The following KIF16B variants were observed in gnomAD, a reference collection of about 807,000 sequenced individuals.
KIF16B encodes the protein kinesin-like protein KIF16B.
Under a neutral mutation model 156.3 loss-of-function variants are expected in KIF16B, and 98 were observed. That is an observed-to-expected ratio of 0.63 (90% confidence interval 0.53 to 0.74). KIF16B has a LOEUF of 0.74. KIF16B is among the 30% of genes least tolerant of loss of function. KIF16B has a pLI of 0.00. For synonymous variants in KIF16B, 564 were observed against 583.7 expected, an observed-to-expected ratio of 0.97 and a Z score of 0.49; for missense variants, 1,421 against 1,606.5, an observed-to-expected ratio of 0.88 and a Z score of 1.97.
chr20:16,520,249 C>G (rs1262210454), intron 3 of KIF16B, among the ~76,000 whole-genome samples: 2 of 152,110 alleles, frequency 1.3e-5, no homozygotes, highest in Admixed American at 6.5e-5. Flanking sequence ...ATCCCACCCC[C>G]ACAGAGCACA....
chr20:16,525,938 A>G (rs889302570), intron 3 of KIF16B, among the ~76,000 whole-genome samples, 154 bp downstream of exon 3: 11 of 152,250 alleles, frequency 7.2e-5, no homozygotes, highest in Admixed American at 6.5e-4. Flanking sequence ...ATACTCCTAC[A>G]TAACACTCAG....
chr20:16,526,238 T>G, intron 2 of KIF16B, 33 bp from the exon 3 acceptor site: 2 of 1,267,878 alleles, frequency 1.6e-6, no homozygotes, highest in Non-Finnish European at 2.2e-6. Flanking sequence ...ATAATGATAA[T>G]GTAAAGAGCA....
chr20:16,442,973 T>C (rs117830263), intron 12 of KIF16B, among the ~76,000 whole-genome samples: 3,649 of 152,160 alleles, frequency 0.024, 49 homozygotes, highest in Middle Eastern at 0.051. Flanking sequence ...CCCTAATGAG[T>C]AGGCTCCTTG....
rs966192120 is a variant in KIF16B at position 16,511,510 on chromosome 20, T to A, written c.464A>T (p.Asn155Ile). 1 of 1,608,334 alleles carries A rather than the reference T, an allele frequency of 6.2e-7. No homozygotes were observed. ...CCGAAGTAGATCTCTCACACGTTCG[T>A]TATAAATTTCTAAGTAGCTAAAAAT... ...RTEVSYLEIYNERVRDLLRRK... is the reference protein window; with the variant it reads ...RTEVSYLEIYIERVRDLLRRK... Residue 155 changes from asparagine to isoleucine, a missense_variant, in exon 6 of 26, where the codon AAC (asparagine) becomes ATC (isoleucine). Asn to Ile is a moderately radical substitution (Grantham distance 149). Transcript: ENST00000354981.
intron 24 of KIF16B, among the ~76,000 whole-genome samples, chr20:16,327,752 T>G (rs2063880694): frequency 6.6e-6 from 1 of 152,148 alleles, no homozygotes; most frequent in South Asian, 2.1e-4. Flanking sequence ...GTGAACTACC[T>G]GGGCCTCTGA....
chr20:16,523,135 G>C (rs1045681004), intron 3 of KIF16B, among the ~76,000 whole-genome samples: 11 of 152,180 alleles, frequency 7.2e-5, no homozygotes, highest in African/African-American at 2.7e-4. Flanking sequence ...AGACAAGGAT[G>C]CCCTCTCTCA....
chr20:16,557,893 G>A (rs1398709537), intron 1 of KIF16B, among the ~76,000 whole-genome samples: 4 of 152,266 alleles, frequency 2.6e-5, no homozygotes, highest in Admixed American at 6.5e-5. Flanking sequence ...CAAGCACAAG[G>A]AGCATAATCC....
At chr20:16,278,319 A>G (rs1044676125) in intron 25 of KIF16B, among the ~76,000 whole-genome samples, 2 of 152,212 alleles carry the variant, frequency 1.3e-5, no homozygotes, top group Non-Finnish European at 2.9e-5. Flanking sequence ...ACGGGTACCC[A>G]TGATTTATTT....
chr20:16,366,998 T>C (rs963677540), intron 22 of KIF16B: 145 of 1,317,662 alleles, frequency 1.1e-4, no homozygotes, highest in Non-Finnish European at 1.3e-4. Flanking sequence ...TTTAAAATAT[T>C]TACATTTTCA....
At chr20:16,483,414 G>C (rs2068032969) in intron 12 of KIF16B, among the ~76,000 whole-genome samples, 2 of 152,150 alleles carry the variant, frequency 1.3e-5, no homozygotes. Context: ...GCTTGTATCT[G>C]TATAAAACTA....
At chr20:16,434,908 G>T (rs1011480680) in intron 12 of KIF16B, among the ~76,000 whole-genome samples, 4 of 152,136 alleles carry the variant, frequency 2.6e-5, no homozygotes, top group Non-Finnish European at 5.9e-5. Context: ...GGGGCTGGGG[G>T]TTGGGGACAA....
At chr20:16,538,922 A>T (rs1027265290) in intron 1 of KIF16B, among the ~76,000 whole-genome samples, 2 of 151,412 alleles carry the variant, frequency 1.3e-5, no homozygotes, top group African/African-American at 4.9e-5. Flanking sequence ...CGCTCGCCGC[A>T]CTCTTGCTCC....
chr20:16,383,071 G>A (rs915112971), intron 17 of KIF16B, among the ~76,000 whole-genome samples: 2 of 152,054 alleles, frequency 1.3e-5, no homozygotes, highest in Admixed American at 1.3e-4. Flanking sequence ...ATGGCTCGTT[G>A]CAGCCTTGAC....
In KIF16B at chr20:16,374,403, T is replaced by C; in HGVS notation, c.3204A>G (p.Glu1068=). The change falls in exon 20 of 26, where the codon GAA becomes GAG. Residue 1068 remains glutamate (E), a synonymous_variant. Coordinates refer to ENST00000354981, the MANE Select transcript of KIF16B (RefSeq NM_024704.5). ...TCTGTTTCAGCTGCTGGATTTCATA[T>C]TCTAACCTACACAGATAGGAGCCAC... ...EALEKDQERL[E]YEIQQLKQKI... is the part of the protein sequence containing the mutation. 1 of 1,582,064 alleles carries C rather than the reference T, an allele frequency of 6.3e-7. No homozygotes were observed. The highest frequency in any genetic ancestry group is 1.2e-5 in the South Asian group (1 of 85,156).
chr20:16,464,353 T>C (rs2067428774), intron 12 of KIF16B, among the ~76,000 whole-genome samples: 1 of 152,100 alleles, frequency 6.6e-6, no homozygotes, highest in Non-Finnish European at 1.5e-5. Flanking sequence ...GATATAAAAA[T>C]TCAAGGAGAA....
intron 15 of KIF16B, among the ~76,000 whole-genome samples, chr20:16,407,540 C>T (rs957433348): frequency 6.6e-6 from 1 of 152,066 alleles, no homozygotes; most frequent in African/African-American, 2.4e-5. Context: ...TGGGTCTCAC[C>T]GGATAACCAG....
Position 16,534,258 on chromosome 20 carries a change from TA to T in KIF16B, c.48-5819del, listed in dbSNP as rs11482450. Among the ~76,000 whole-genome samples the T allele has an allele frequency of 6.2e-4, 91 of 147,672 alleles. 1 individual carries two copies. Among genetic ancestry groups the T allele is most frequent in the African/African-American group, 1.7e-3 (67 of 40,208 alleles). The stretch of plus-strand genomic sequence containing the variant: ...TGAAAGAGCAAAGCTCTGTCTCAAA[TA>T]AAAAAAAAAAATTAATCTAAAATTA... On this transcript the variant is annotated intron_variant, in intron 1 of 25. Coordinates refer to ENST00000354981, the MANE Select transcript of KIF16B (RefSeq NM_024704.5).
chr20:16,494,724 T>C (rs1397013684), intron 11 of KIF16B, among the ~76,000 whole-genome samples: 2 of 152,222 alleles, frequency 1.3e-5, no homozygotes, highest in African/African-American at 4.8e-5. Flanking sequence ...AAAATAGTGA[T>C]TTATTTTTAT....
chr20:16,382,155 GAGAA>G, intron 17 of KIF16B: 1 of 1,314,896 alleles, frequency 7.6e-7, no homozygotes. Context: ...GAGAGAGAGA[GAGAA>G]AGAGAGAGAG....
Sources: allele counts gnomAD v4.1 joint callset (sites outside exome capture counted in the v4.1 genomes callset), GRCh38; gene constraint gnomAD v4.1.1; transcripts MANE v1.5; gene names NCBI Gene and HGNC (gene_info 2026-07-23, HGNC 2026-07-21).